Variants in JAZF1 observed in about 807,000 individuals in gnomAD.
JAZF1 encodes juxtaposed with another zinc finger protein 1.
JAZF1 carries 8 observed loss-of-function variants against 26.4 expected under a neutral mutation model. That is an observed-to-expected ratio of 0.30 (90% CI 0.18 to 0.55). The LOEUF (loss-of-function observed/expected upper bound fraction) is 0.55. JAZF1 is among the 20% of genes least tolerant of loss of function. The probability of loss-of-function intolerance (pLI) is 0.94; values close to 1 mark genes in which losing one functional copy is unlikely to be tolerated. For synonymous variants in JAZF1, 126 were observed against 122.3 expected (o/e 1.03, Z -0.20); for missense variants, 199 against 322.0 (o/e 0.62, Z 2.92).
intron 1 of JAZF1, among the ~76,000 whole-genome samples, chr7:27,992,662 G>A (rs1432792500): frequency 6.6e-6 from 1 of 152,094 alleles, no homozygotes; most frequent in Non-Finnish European, 1.5e-5. Flanking sequence ...TTCATAGCCA[G>A]AAATGTATTC....
intron 1 of JAZF1, among the ~76,000 whole-genome samples, chr7:28,068,100 A>C (rs1783914621): frequency 6.6e-6 from 1 of 152,006 alleles, no homozygotes; most frequent in Non-Finnish European, 1.5e-5. Context: ...TATTTAGTAA[A>C]AACAGGGTTT....
At chr7:28,164,554 T>A (rs1411301893) in intron 1 of JAZF1, among the ~76,000 whole-genome samples, 4 of 152,136 alleles carry the variant, frequency 2.6e-5, no homozygotes, top group Admixed American at 2.6e-4. Flanking sequence ...TCCACTAACA[T>A]CTCTCCATAA....
chr7:28,178,298 C>A (rs1435521332), intron 1 of JAZF1, among the ~76,000 whole-genome samples: 3 of 152,116 alleles, frequency 2.0e-5, no homozygotes, highest in African/African-American at 7.2e-5. Context: ...TAAACCATCT[C>A]AAACTAAATC....
At chr7:28,118,979 G>A (rs1196297619) in intron 1 of JAZF1, among the ~76,000 whole-genome samples, 1 of 152,220 alleles carries the variant, frequency 6.6e-6, no homozygotes, top group Non-Finnish European at 1.5e-5. Context: ...CTGGGGAAGA[G>A]AGCAGGGAGA....
At position 27,841,201 on chromosome 7, in the gene JAZF1, A is replaced by C. The variant is rs1246591795; in HGVS notation, c.386-334T>G. On this transcript the variant is annotated intron_variant, in intron 3 of 4. Coordinates refer to ENST00000283928, the MANE Select transcript of JAZF1 (RefSeq NM_175061.4). ...GACTTGCTCTGGGGCCAAAACCAAA[A>C]ATAAGCAACGATGACAGGCTCCTCA... 8.2e-6 allele frequency: 2 copies of C among 242,842 alleles called. 1 individual carries two copies. The highest frequency in any genetic ancestry group is 1.0e-4 in the Admixed American group (2 of 19,654). 15.0% of individuals were successfully genotyped at this position (242,842 alleles called of 1,614,324 possible).
At chr7:27,960,410 AC>A (rs34444678) in intron 2 of JAZF1, among the ~76,000 whole-genome samples, 1 of 152,094 alleles carries the variant, frequency 6.6e-6, no homozygotes, top group Non-Finnish European at 1.5e-5. Context: ...CTTTGGGGTA[AC>A]CCATGCCAAA....
intron 3 of JAZF1, among the ~76,000 whole-genome samples, chr7:27,886,083 G>A (rs1419364772): frequency 6.6e-6 from 1 of 152,206 alleles, no homozygotes; most frequent in Non-Finnish European, 1.5e-5. Context: ...GCAGAGCGGG[G>A]ATATTCCTAT....
chr7:28,138,263 C>T (rs575919063), intron 1 of JAZF1, among the ~76,000 whole-genome samples: 17 of 152,244 alleles, frequency 1.1e-4, no homozygotes, highest in Admixed American at 7.2e-4. Context: ...CCACAAGCTC[C>T]GAACAGAGCC....
intron 3 of JAZF1, chr7:27,846,406 T>C: frequency 2.2e-6 from 1 of 457,426 alleles, no homozygotes; most frequent in East Asian, 7.0e-5. Context: ...TACGTATACA[T>C]GTATATATAT....
chr7:28,138,877 C>A (rs1287162772), intron 1 of JAZF1, among the ~76,000 whole-genome samples: 1 of 152,206 alleles, frequency 6.6e-6, no homozygotes, highest in Non-Finnish European at 1.5e-5. Flanking sequence ...ACCTCCCAGA[C>A]TACCTCCCAG....
intron 2 of JAZF1, among the ~76,000 whole-genome samples, chr7:27,987,395 G>A (rs1370073527): frequency 6.0e-5 from 9 of 151,042 alleles, no homozygotes; most frequent in Non-Finnish European, 8.8e-5. Context: ...CCCCGTCTGA[G>A]AAGTGAGGAG....
intron 4 of JAZF1, among the ~76,000 whole-genome samples, chr7:27,836,814 T>C (rs1173742362): frequency 6.6e-6 from 1 of 152,070 alleles, no homozygotes; most frequent in East Asian, 1.9e-4. Context: ...AAAAAAAGAA[T>C]TGCCTCTTCC....
chr7:28,078,106 T>C (rs77869701), intron 1 of JAZF1, among the ~76,000 whole-genome samples: 2,595 of 152,232 alleles, frequency 0.017, 81 homozygotes, highest in African/African-American at 0.059. Flanking sequence ...ATGAAAAAAA[T>C]TGAGAATTTT....
At chr7:27,876,115 C>T (rs139263838) in intron 3 of JAZF1, among the ~76,000 whole-genome samples, 1 of 152,158 alleles carries the variant, frequency 6.6e-6, no homozygotes, top group East Asian at 1.9e-4. Flanking sequence ...CCTGGTTAGC[C>T]AAGTGCCCAG....
intron 3 of JAZF1, among the ~76,000 whole-genome samples, chr7:27,884,773 T>C (rs1284309104): frequency 6.6e-6 from 1 of 152,234 alleles, no homozygotes; most frequent in African/African-American, 2.4e-5. Context: ...ACTTATCATT[T>C]TGGGGCTACT....
intron 3 of JAZF1, among the ~76,000 whole-genome samples, chr7:27,887,776 G>C (rs1783894322): frequency 6.6e-6 from 1 of 152,022 alleles, no homozygotes; most frequent in African/African-American, 2.4e-5. Flanking sequence ...TTTTCTAAGT[G>C]GTATAGCTGT....
intron 2 of JAZF1, among the ~76,000 whole-genome samples, chr7:27,907,973 C>CG (rs1784292111): frequency 6.6e-6 from 1 of 152,044 alleles, no homozygotes; most frequent in Non-Finnish European, 1.5e-5. Context: ...TGGACTTACA[C>CG]ATTTTCTTCT....
chr7:28,051,857 T>C (rs1178595447), intron 1 of JAZF1, among the ~76,000 whole-genome samples: 1 of 152,156 alleles, frequency 6.6e-6, no homozygotes, highest in Non-Finnish European at 1.5e-5. Context: ...ACACCTAAAA[T>C]TGATTTAGAC....
At chr7:28,119,194 CACTCACAAACCTGATCT>C in intron 1 of JAZF1, among the ~76,000 whole-genome samples, 1 of 152,218 alleles carries the variant, frequency 6.6e-6, no homozygotes, top group East Asian at 1.9e-4. Context: ...TGCAGACCAT[CACTCACAAACCTGATCT>C]CCAGCCCTGA....
Sources: allele counts gnomAD v4.1 joint callset (sites outside exome capture counted in the v4.1 genomes callset), GRCh38; gene constraint gnomAD v4.1.1; transcripts MANE v1.5; gene names NCBI Gene and HGNC (gene_info 2026-07-23, HGNC 2026-07-21).